KCP: variants seen among roughly 807,000 people sequenced by gnomAD.
The protein encoded by KCP is kielin/chordin-like protein.
A neutral mutation model predicts 212.7 loss-of-function variants in KCP; 194 were observed. The ratio of observed to expected loss-of-function variants is 0.91; its 90% CI spans 0.81 to 1.03. The LOEUF is 1.03. KCP is among the 50% of genes least tolerant of loss of function. The pLI is 0.00. For synonymous variants in KCP, 833 were observed against 865.3 expected, an observed-to-expected ratio of 0.96 and a Z score of 0.65; for missense variants, 2,080 against 2,162.5, an observed-to-expected ratio of 0.96 and a Z score of 0.76.
intron 26 of KCP, 111 bp downstream of exon 26, chr7:128,886,353 G>T: frequency 2.3e-6 from 2 of 888,226 alleles, no homozygotes; most frequent in Admixed American, 5.5e-5. Context: ...AGGGCCAGTT[G>T]TTGGGGCAGG....
In KCP at chr7:128,877,778, G is replaced by T; in HGVS notation, c.4324C>A (p.Leu1442Met). The change falls in exon 39 of 40, where the codon CTG becomes ATG. Residue 1442 changes from leucine to methionine, a missense_variant. Transcript: ENST00000610776. ...FGNSWQVSEG[L>M]WPGRPCSAGR... Reference sequence around the variant, plus strand: ...GCAGAACAGGGCCGGCCAGGCCACAGCCCCTCTGAGACCTGGGTGGGGAGA... The same window carrying T: ...GCAGAACAGGGCCGGCCAGGCCACATCCCCTCTGAGACCTGGGTGGGGAGA... The T allele has an allele frequency of 2.6e-6, 4 of 1,547,890 alleles. No individual in the cohort carries two copies. The highest frequency in any genetic ancestry group is 3.5e-6 in the Non-Finnish European group (4 of 1,145,290).
At chr7:128,905,246 T>G (rs754760524) in intron 5 of KCP, among the ~76,000 whole-genome samples, 2 of 152,188 alleles carry the variant, frequency 1.3e-5, no homozygotes, top group Non-Finnish European at 2.9e-5. Flanking sequence ...AATTTTAGTA[T>G]AAGAATGTCC....
At position 128,877,690 on chromosome 7, in the gene KCP, C is replaced by T. The variant is rs1209246509; in HGVS notation, c.4412G>A (p.Arg1471Gln). 1.8e-5 allele frequency: 28 copies of T among 1,551,212 alleles called. No homozygotes were observed. The highest frequency in any genetic ancestry group is 5.5e-5 in the African/African-American group (4 of 73,046). ...TGGGGAGGACTTCAGCACCCCACACCGGGCATTGGCCTCACGCCTGGCACG... is the reference window on the plus strand; with the variant it reads ...TGGGGAGGACTTCAGCACCCCACACTGGGCATTGGCCTCACGCCTGGCACG... ...GYRARREANA[R>Q]CGVLKSSPFS... The change falls in exon 39 of 40, where the codon CGG (arginine) becomes CAG (glutamine). Residue 1471 changes from arginine (R) to glutamine (Q), a missense_variant. Arg to Gln is a conservative substitution (Grantham distance 43, BLOSUM62 1). Transcript: ENST00000610776.
intron 2 of KCP, among the ~76,000 whole-genome samples, 175 bp downstream of exon 2, chr7:128,908,251 G>T (rs867351275): frequency 2.0e-5 from 2 of 101,212 alleles, no homozygotes; most frequent in East Asian, 8.6e-4. Context: ...AAGAAAGAAA[G>T]AAGAAAGAAA....
Position 128,888,942 on chromosome 7 carries a change from G to A in KCP, c.2433C>T (p.Thr811=). 1.3e-6 allele frequency: 2 copies of A among 1,550,960 alleles called. No homozygotes were observed. The highest frequency in any genetic ancestry group is 1.2e-5 in the South Asian group (1 of 83,978). The change falls in exon 22 of 40, where the codon ACC becomes ACT. Residue 811 remains threonine (T), a synonymous_variant. Coordinates refer to ENST00000610776, the MANE Select transcript of KCP (RefSeq NM_001366122.1). Reference sequence around the variant, plus strand: ...GAGGCTCACAGGGCCGGCGGCCGCAGGTCACGAAGCCTCCAAGACAGGTAC... The same window carrying A: ...GAGGCTCACAGGGCCGGCGGCCGCAAGTCACGAAGCCTCCAAGACAGGTAC... ...NLCTCLGGFV[T]CGRRPCEPPG... is the part of the protein sequence containing the mutation.
In KCP at chr7:128,890,944, CGCAGGGCGCGGGCGG is replaced by C. The variant is rs1794078461; in HGVS notation, c.2110_2124del (p.Pro704_Cys708del). On this transcript the variant is annotated inframe_deletion, in exon 20 of 40. Transcript: ENST00000610776. ...CAGCAAGGCCCCTGGCGCGGGTGCG[CGCAGGGCGCGGGCGG>C]GCAGGGCAGCCGCTGGCAGGACACG... 3 of 1,247,972 alleles carry C rather than the reference CGCAGGGCGCGGGCGG, an allele frequency of 2.4e-6. No individual in the cohort carries two copies. Among genetic ancestry groups the C allele is most frequent in the Non-Finnish European group, 3.0e-6 (3 of 1,000,880 alleles). The allele number at this position is 1,247,972 out of a possible 1,614,324, so 77.3% of individuals were successfully genotyped here.
At chr7:128,894,334 C>A in intron 8 of KCP, 41 bp from the exon 9 acceptor site, 1 of 1,427,742 alleles carries the variant, frequency 7.0e-7, no homozygotes, top group Non-Finnish European at 9.4e-7. Flanking sequence ...CGACAGGGCT[C>A]AACTGAGAGG....
In KCP at chr7:128,893,288, C is replaced by G. The variant is rs1262155361; in HGVS notation, c.1217G>C (p.Cys406Ser). 4.5e-6 allele frequency: 7 copies of G among 1,551,386 alleles called. No homozygotes were observed. The African/African-American group carries it at 6.8e-5, about 15-fold the overall frequency. ...AGEVSCEEQECPVTPCALPAS... is the reference protein window; with the variant it reads ...AGEVSCEEQESPVTPCALPAS... ...AGGCAGGGCACAGGGGGTGACTGGG[C>G]ACTCCTGCTCCTCACAGGAGACCTC... The change falls in exon 13 of 40, where the codon TGC becomes TCC. Residue 406 changes from cysteine to serine, a missense_variant. By Grantham distance (112) the Cys-to-Ser change is moderately radical. Coordinates refer to ENST00000610776, the MANE Select transcript of KCP (RefSeq NM_001366122.1).
intron 8 of KCP, among the ~76,000 whole-genome samples, chr7:128,901,787 T>G (rs770717401): frequency 1.3e-5 from 2 of 152,016 alleles, no homozygotes; most frequent in Admixed American, 6.5e-5. Flanking sequence ...TCGCACAGAG[T>G]CCTTAGTCCT....
At chr7:128,904,781 C>A (rs557833887) in intron 5 of KCP, among the ~76,000 whole-genome samples, 1 of 152,374 alleles carries the variant, frequency 6.6e-6, no homozygotes, top group Admixed American at 6.5e-5. Flanking sequence ...GGGCACCATT[C>A]ACGTGACAGA....
At chr7:128,901,600 T>C (rs1218892139) in intron 8 of KCP, among the ~76,000 whole-genome samples, 3 of 151,808 alleles carry the variant, frequency 2.0e-5, no homozygotes, top group African/African-American at 7.3e-5. Context: ...CACTCCAGCC[T>C]GGATGACAGA....
At chr7:128,892,094 G>A (rs561940014) in intron 16 of KCP, among the ~76,000 whole-genome samples, 15 of 152,256 alleles carry the variant, frequency 9.9e-5, no homozygotes, top group South Asian at 4.1e-4. Context: ...TTTGACACAC[G>A]CCCTCACACA....
chr7:128,890,380 G>T lies in KCP; in HGVS notation c.2298C>A (p.Pro766=). The part of the protein sequence containing the change: ...EPKACAPALC[P]FPARGDCCPD... ...GGCAGCAGTCGCCCCTGGCAGGGAA[G>T]GGGCACAGTGCAGGGGCACATGCCT... Residue 766 remains proline (P), a synonymous_variant, in exon 21 of 40, where the codon CCC becomes CCA. Coordinates refer to ENST00000610776, the MANE Select transcript of KCP (RefSeq NM_001366122.1). 1 of 1,551,356 alleles carries T rather than the reference G, an allele frequency of 6.4e-7. No homozygotes were observed. Among genetic ancestry groups the T allele is most frequent in the South Asian group, 1.2e-5 (1 of 84,060 alleles).
At chr7:128,890,056 G>A in intron 21 of KCP, 1 of 431,814 alleles carries the variant, frequency 2.3e-6, no homozygotes, top group Non-Finnish European at 4.3e-6. Flanking sequence ...CGGAGTAGAT[G>A]GAACTACAAG....
Position 128,877,220 on chromosome 7 carries a change from C to T in KCP, c.4710G>A (p.Gly1570=), listed in dbSNP as rs1793042239. Residue 1570 remains glycine, a synonymous_variant, in exon 40 of 40, where the codon GGG becomes GGA. Transcript: ENST00000610776. The part of the protein sequence containing the change: ...RTCFNQHIPL[G]ELAAHCVRPC... Reference sequence around the variant, plus strand: ...GCCTCACGCAGTGGGCTGCCAGCTCCCCCAGGGGGATATGCTGATTGAAGC... The same window carrying T: ...GCCTCACGCAGTGGGCTGCCAGCTCTCCCAGGGGGATATGCTGATTGAAGC... 1.4e-6 allele frequency: 2 copies of T among 1,480,996 alleles called. No individual in the cohort carries two copies. The highest frequency in any genetic ancestry group is 1.8e-6 in the Non-Finnish European group (2 of 1,116,090). 91.7% of individuals were successfully genotyped at this position (1,480,996 alleles called of 1,614,324 possible).
intron 37 of KCP, 143 bp from the exon 38 acceptor site, chr7:128,878,865 A>C: frequency 1.2e-6 from 1 of 819,214 alleles, no homozygotes; most frequent in Non-Finnish European, 1.8e-6. Flanking sequence ...TCCCCTTGGA[A>C]GAAACACCAC....
chr7:128,883,947 A>C, intron 29 of KCP, 55 bp downstream of exon 29: 1 of 1,512,332 alleles, frequency 6.6e-7, no homozygotes, highest in African/African-American at 1.4e-5. Context: ...GAAGGGCGGC[A>C]GGGGGTGGCA....
In KCP at chr7:128,890,941, G is replaced by A. The variant is rs1794077910; in HGVS notation, c.2128C>T (p.His710Tyr). Reference protein sequence around the residue: ...RLPCPPAPCAHPRQGPCCPSC... With the variant: ...RLPCPPAPCAYPRQGPCCPSC... ...GGGCAGCAAGGCCCCTGGCGCGGGT[G>A]CGCGCAGGGCGCGGGCGGGCAGGGC... The change falls in exon 20 of 40, where the codon CAC becomes TAC. Residue 710 changes from histidine to tyrosine, a missense_variant. His to Tyr is a moderately conservative substitution (Grantham distance 83). Transcript: ENST00000610776. 5 of 1,248,094 alleles carry A rather than the reference G, an allele frequency of 4.0e-6. No homozygotes were observed. The highest frequency in any genetic ancestry group is 8.6e-5 in the Admixed American group (2 of 23,370). 77.3% of individuals were successfully genotyped at this position (1,248,094 alleles called of 1,614,324 possible). A position where few individuals can be genotyped will look rare whatever the true frequency, so the allele number is the denominator to read the frequency against.
At chr7:128,887,743 TCATA>T (rs1430634744) in intron 22 of KCP, among the ~76,000 whole-genome samples, 2 of 104,578 alleles carry the variant, frequency 1.9e-5, no homozygotes, top group Non-Finnish European at 4.0e-5. Flanking sequence ...ACCCACACTC[TCATA>T]CACACACACA....
Sources: gnomAD v4.1 joint callset for allele counts (sites outside exome capture counted in the v4.1 genomes callset) on GRCh38, gnomAD v4.1.1 for gene constraint, MANE v1.5 for transcripts, NCBI Gene and HGNC (gene_info 2026-07-23, HGNC 2026-07-21) for gene names.